Variants in MGAT5 observed in about 807,000 individuals in gnomAD.
MGAT5 encodes alpha-1,6-mannosylglycoprotein 6-beta-N-acetylglucosaminyltransferase.
Under a neutral mutation model 94.3 loss-of-function variants are expected in MGAT5, and 30 were observed. That is an observed-to-expected ratio of 0.32 (90% CI 0.24 to 0.43). MGAT5 has a LOEUF of 0.43. MGAT5 is among the 20% of genes least tolerant of loss of function. The pLI, the probability that MGAT5 is intolerant of heterozygous loss-of-function variation, is 1.00. For missense variants in MGAT5, 691 were observed against 905.5 expected, an observed-to-expected ratio of 0.76 and a Z score of 3.04; for synonymous variants, 310 against 322.9, an observed-to-expected ratio of 0.96 and a Z score of 0.43.
chr2:134,297,339 C>T (rs1374604177), intron 2 of MGAT5, among the ~76,000 whole-genome samples: 1 of 152,010 alleles, frequency 6.6e-6, no homozygotes, highest in African/African-American at 2.4e-5. Flanking sequence ...GAGGAAATGA[C>T]ACTGATTCTT....
intron 1 of MGAT5, among the ~76,000 whole-genome samples, chr2:134,261,566 A>G (rs1348970927): frequency 6.6e-6 from 1 of 152,090 alleles, no homozygotes; most frequent in Non-Finnish European, 1.5e-5. Context: ...AGCCATGCGC[A>G]TTCCATTCTG....
intron 1 of MGAT5, among the ~76,000 whole-genome samples, chr2:134,167,915 G>A (rs186914464): frequency 6.6e-6 from 1 of 152,186 alleles, no homozygotes; most frequent in Middle Eastern, 3.4e-3. Flanking sequence ...TGTACCTGGG[G>A]ACCATTTGTA....
chr2:134,378,660 G>A (rs1681346181), intron 10 of MGAT5, among the ~76,000 whole-genome samples: 1 of 143,542 alleles, frequency 7.0e-6, no homozygotes, highest in Admixed American at 7.3e-5. Flanking sequence ...CTGTCGCCCA[G>A]GCTTGTGTAC....
intron 10 of MGAT5, among the ~76,000 whole-genome samples, chr2:134,368,209 G>T (rs1000453850): frequency 6.6e-6 from 1 of 152,226 alleles, no homozygotes; most frequent in African/African-American, 2.4e-5. Context: ...GTCTCTCTGG[G>T]TGAGCTAAGT....
At position 134,448,694 on chromosome 2, in the gene MGAT5, G is replaced by A; in HGVS notation, c.2073G>A (p.Leu691=). 1 of 1,614,196 alleles carries A rather than the reference G, an allele frequency of 6.2e-7. No homozygotes were observed. The highest frequency in any genetic ancestry group is 8.5e-7 in the Non-Finnish European group (1 of 1,180,046). The change falls in exon 16 of 16, where the codon CTG becomes CTA. Residue 691 remains leucine, a synonymous_variant. Coordinates refer to ENST00000281923, the MANE Select transcript of MGAT5 (RefSeq NM_002410.5). ...GCTCAGAGCTGGCCAAGGACATCCT[G>A]GTGCCCTCCTTTGACCCTAAGAATA... ...CQSSELAKDI[L]VPSFDPKNKH...
At position 134,453,230 on chromosome 2, in the gene MGAT5, G is replaced by A. The variant is rs1686192941; in HGVS notation, c.*4383G>A. 2.0e-5 allele frequency: 3 copies of A among 152,190 alleles called. No homozygotes were observed. Among genetic ancestry groups the A allele is most frequent in the Admixed American group, 1.3e-4 (2 of 15,280 alleles). 9.4% of individuals were successfully genotyped at this position (152,190 alleles called of 1,614,324 possible). A position where few individuals can be genotyped will look rare whatever the true frequency, so the allele number is the denominator to read the frequency against. On this transcript the variant is annotated 3_prime_UTR_variant, in exon 16 of 16. Coordinates refer to ENST00000281923, the MANE Select transcript of MGAT5 (RefSeq NM_002410.5). ...ATGTTGTAGGAATTACTGGTTTAGA[G>A]TAGCCCAGTTCTCGGCCTACCCTGC...
chr2:134,371,621 G>T (rs1402023746), intron 10 of MGAT5, among the ~76,000 whole-genome samples: 1 of 152,196 alleles, frequency 6.6e-6, no homozygotes, highest in Non-Finnish European at 1.5e-5. Flanking sequence ...TGGTTGGGAA[G>T]AATGCATGCC....
In MGAT5 at chr2:134,445,192, T is replaced by A. The variant is rs1246780663; in HGVS notation, c.2027+3277T>A. Reference sequence around the variant, plus strand: ...GGAAGGTGACCCTTAGTAGGCCACCTGCTCAGCCCCGCACCATGTTGCTGG... The same window carrying A: ...GGAAGGTGACCCTTAGTAGGCCACCAGCTCAGCCCCGCACCATGTTGCTGG... On this transcript the variant is annotated intron_variant, in intron 15 of 15. Transcript: ENST00000281923. Among the ~76,000 whole-genome samples the A allele has an allele frequency of 2.0e-5, 3 of 152,198 alleles. No homozygotes were observed. In the East Asian group the frequency reaches 5.8e-4, roughly 29 times the overall value.
At position 134,360,281 on chromosome 2, in the gene MGAT5, T is replaced by G. The variant is rs573251807; in HGVS notation, c.1247-1994T>G. Among the ~76,000 whole-genome samples, 3 of 152,320 alleles carry G rather than the reference T, an allele frequency of 2.0e-5. No individual in the cohort carries two copies. The South Asian group carries it at 6.2e-4, about 32-fold the overall frequency. On this transcript the variant is annotated intron_variant, in intron 9 of 15. Coordinates refer to ENST00000281923, the MANE Select transcript of MGAT5 (RefSeq NM_002410.5). ...CCATTCCTCACAAGTTTTTCTGATA[T>G]TTGCTTCTCCCTCTCACCAGTCAAG...
chr2:134,187,559 A>G (rs1443862186), intron 1 of MGAT5, among the ~76,000 whole-genome samples: 1 of 152,214 alleles, frequency 6.6e-6, no homozygotes, highest in Non-Finnish European at 1.5e-5. Flanking sequence ...TCTTGAAGTT[A>G]TACACACATG....
At chr2:134,338,125 G>A in intron 5 of MGAT5, 134 bp from the exon 6 acceptor site, 2 of 713,826 alleles carry the variant, frequency 2.8e-6, no homozygotes, top group Non-Finnish European at 4.4e-6. Context: ...CAAAGCTGCA[G>A]CAGACAAGAC....
At chr2:134,276,667 C>T (rs62167962) in intron 2 of MGAT5, among the ~76,000 whole-genome samples, 3,047 of 152,140 alleles carry the variant, frequency 0.02, 54 homozygotes, top group Non-Finnish European at 0.034. Flanking sequence ...TTCCCTGGGC[C>T]GTGGCAGTTG....
intron 1 of MGAT5, among the ~76,000 whole-genome samples, chr2:134,164,710 C>T (rs896877853): frequency 6.6e-6 from 1 of 151,876 alleles, no homozygotes; most frequent in Non-Finnish European, 1.5e-5. Flanking sequence ...AAATGTTATT[C>T]GTTAAAAGAT....
intron 1 of MGAT5, among the ~76,000 whole-genome samples, chr2:134,206,357 G>A (rs1680021023): frequency 6.6e-6 from 1 of 152,234 alleles, no homozygotes; most frequent in Non-Finnish European, 1.5e-5. Context: ...GGATGCTGAT[G>A]TGAATAGTAG....
intron 1 of MGAT5, among the ~76,000 whole-genome samples, chr2:134,187,749 G>C (rs947189263): frequency 3.3e-5 from 5 of 152,212 alleles, no homozygotes; most frequent in Non-Finnish European, 7.3e-5. Context: ...GAATGAAATT[G>C]AAAGGCCACC....
At chr2:134,315,586 C>T (rs550226602) in intron 2 of MGAT5, among the ~76,000 whole-genome samples, 39 of 152,300 alleles carry the variant, frequency 2.6e-4, no homozygotes, top group African/African-American at 8.9e-4. Context: ...ATGCTGCTTT[C>T]CCAGATATAG....
intron 1 of MGAT5, among the ~76,000 whole-genome samples, chr2:134,248,684 CTATGTGAA>C (rs201083294): frequency 5.4e-5 from 3 of 55,466 alleles, no homozygotes; most frequent in Admixed American, 1.4e-4. Context: ...CAGCGCTGTC[CTATGTGAA>C]TGTGTGAATG....
At chr2:134,342,575 G>A (rs149285698) in intron 7 of MGAT5, among the ~76,000 whole-genome samples, 1 of 152,144 alleles carries the variant, frequency 6.6e-6, no homozygotes, top group African/African-American at 2.4e-5. Flanking sequence ...AACATGGTGA[G>A]ACCCTGTCTG....
intron 1 of MGAT5, among the ~76,000 whole-genome samples, chr2:134,126,123 A>T (rs2104882554): frequency 6.6e-6 from 1 of 152,350 alleles, no homozygotes. Context: ...AGATCGCCAT[A>T]CTTTGTGGAA....
Sources: gnomAD v4.1 joint callset for allele counts (sites outside exome capture counted in the v4.1 genomes callset) on GRCh38, gnomAD v4.1.1 for gene constraint, MANE v1.5 for transcripts, NCBI Gene and HGNC (gene_info 2026-07-23, HGNC 2026-07-21) for gene names.